TEX15: variants seen among roughly 807,000 people sequenced by gnomAD.
TEX15 encodes testis expressed 15, meiosis and synapsis associated.
A neutral mutation model predicts 237.3 loss-of-function variants in TEX15; 171 were observed. The ratio of observed to expected loss-of-function variants is 0.72; its 90% CI spans 0.64 to 0.82. TEX15 has a LOEUF of 0.82. Among genes scored for constraint, TEX15 ranks in the 40% least tolerant of loss-of-function variants. TEX15 has a pLI of 0.00. For missense variants in TEX15, 3,750 were observed against 3,646.5 expected (o/e 1.03, Z -0.73); for synonymous variants, 1,338 against 1,269.8 (o/e 1.05, Z -1.14).
intron 3 of TEX15, among the ~76,000 whole-genome samples, chr8:30,876,944 C>T (rs1173460187): frequency 6.6e-6 from 1 of 152,034 alleles, no homozygotes; most frequent in African/African-American, 2.4e-5. Context: ...GGGGCCTTTC[C>T]CTCCTTGCTG....
At chr8:30,903,268 A>C (rs950603921) in intron 1 of TEX15, among the ~76,000 whole-genome samples, 1 of 152,228 alleles carries the variant, frequency 6.6e-6, no homozygotes. Flanking sequence ...CAGACTTAAA[A>C]ATAATTTACA....
rs1019702279 is a variant in TEX15 at position 30,832,671 on chromosome 8, C to A, written c.*615G>T. On this transcript the variant is annotated 3_prime_UTR_variant, in exon 11 of 11. Coordinates refer to ENST00000643185, the MANE Select transcript of TEX15 (RefSeq NM_001350162.2). ...TTGTGAAATCCAAAAACAAAATAAT[C>A]TTCTGGAAATGGCTCTTGTAGAAAA... is the stretch of plus-strand genomic sequence containing the variant. 1 of 152,114 alleles carries A rather than the reference C, an allele frequency of 6.6e-6. No homozygotes were observed. Among genetic ancestry groups the A allele is most frequent in the Admixed American group, 6.6e-5 (1 of 15,260 alleles). The allele number at this position is 152,114 out of a possible 1,614,324, so 9.4% of individuals were successfully genotyped here.
intron 3 of TEX15, among the ~76,000 whole-genome samples, chr8:30,880,726 G>A (rs1460667805): frequency 7.1e-6 from 1 of 141,242 alleles, no homozygotes; most frequent in Non-Finnish European, 1.5e-5. Flanking sequence ...TCAACAGTAG[G>A]CTATTTGTGT....
Position 30,847,678 on chromosome 8 carries a change from AC to A in TEX15, c.2488del (p.Val830LeufsTer16). On this transcript the variant is annotated frameshift_variant, in exon 8 of 11. Transcript: ENST00000643185. LOFTEE classifies it high-confidence loss of function. The stretch of plus-strand genomic sequence containing the variant: ...ATTGTGATCCTGACCCCTATCTTCA[AC>A]ATAAGCAGTTTCTTTATAGTCTCTC... The part of the protein sequence containing the change: ...IQRDYKETAY[V>X]EDRGQDHNLF... 6.2e-7 allele frequency: 1 copy of A among 1,613,872 alleles called. No individual in the cohort carries two copies. The highest frequency in any genetic ancestry group is 2.2e-5 in the East Asian group (1 of 44,838).
chr8:30,837,896 T>A lies in TEX15; in HGVS notation c.8388A>T (p.Glu2796Asp). 6.2e-7 allele frequency: 1 copy of A among 1,614,218 alleles called. No homozygotes were observed. Among genetic ancestry groups the A allele is most frequent in the Non-Finnish European group, 8.5e-7 (1 of 1,180,034 alleles). Residue 2796 changes from glutamate to aspartate, a missense_variant, in exon 10 of 11, where the codon GAA (glutamate) becomes GAT (aspartate). Transcript: ENST00000643185. ...ATGAAACAGTTAAGTCTATTTTGCT[T>A]TCCGACTTTGATGCGCAAGTGTCTT... ...NPKDTCASKS[E>D]SKIDLTVSSD...
intron 7 of TEX15, among the ~76,000 whole-genome samples, chr8:30,853,249 G>C (rs543621712): frequency 1.3e-5 from 2 of 152,080 alleles, no homozygotes; most frequent in Non-Finnish European, 2.9e-5. Context: ...AAATCGTCAA[G>C]GAAAGAGAAC....
chr8:30,899,736 C>A (rs1808973170), intron 1 of TEX15, among the ~76,000 whole-genome samples: 1 of 152,146 alleles, frequency 6.6e-6, no homozygotes, highest in Admixed American at 6.5e-5. Context: ...TGGCACCTGG[C>A]CCCAACTCCG....
At chr8:30,878,221 A>G (rs1012450345) in intron 3 of TEX15, among the ~76,000 whole-genome samples, 1 of 150,962 alleles carries the variant, frequency 6.6e-6, no homozygotes, top group Non-Finnish European at 1.5e-5. Flanking sequence ...TTGTTTAACC[A>G]TTTACTCATT....
chr8:30,889,955 A>ATATATATATATATACG (rs1563273241), intron 2 of TEX15, among the ~76,000 whole-genome samples: 1 of 108,690 alleles, frequency 9.2e-6, no homozygotes, highest in African/African-American at 4.8e-5. Flanking sequence ...ATATATATAC[A>ATATATATATATATACG]TATATATATA....
chr8:30,845,130 G>T lies in TEX15; in HGVS notation c.5037C>A (p.Asn1679Lys), dbSNP rs1807567820. 6.2e-7 allele frequency: 1 copy of T among 1,613,206 alleles called. No individual in the cohort carries two copies. Among genetic ancestry groups the T allele is most frequent in the African/African-American group, 1.3e-5 (1 of 74,854 alleles). The change falls in exon 8 of 11, where the codon AAC (asparagine) becomes AAA (lysine). Residue 1679 changes from asparagine to lysine, a missense_variant. Coordinates refer to ENST00000643185, the MANE Select transcript of TEX15 (RefSeq NM_001350162.2). ...GNLILSDCKRNLEVKWTDPIE... is the reference protein window; with the variant it reads ...GNLILSDCKRKLEVKWTDPIE... ...TAGGATCTGTCCACTTTACTTCCAGGTTTCTTTTACAATCAGATAAAATAA... is the reference window on the plus strand; with the variant it reads ...TAGGATCTGTCCACTTTACTTCCAGTTTTCTTTTACAATCAGATAAAATAA...
Position 30,846,841 on chromosome 8 carries a change from T to A in TEX15, c.3326A>T (p.Asp1109Val). ...RISWEGLLAL[D>V]NGEMEVLEST... is the part of the protein sequence containing the mutation. The stretch of plus-strand genomic sequence containing the variant: ...TTCCAAAACTTCCATCTCCCCGTTA[T>A]CAAGTGCTAACAGACCTTCCCAACT... The change falls in exon 8 of 11, where the codon GAT (aspartate) becomes GTT (valine). Residue 1109 changes from aspartate (D) to valine (V), a missense_variant. Physicochemically the swap from Asp to Val is radical, Grantham distance 152. Coordinates refer to ENST00000643185, the MANE Select transcript of TEX15 (RefSeq NM_001350162.2). The A allele has an allele frequency of 6.2e-7, 1 of 1,613,952 alleles. No homozygotes were observed. Among genetic ancestry groups the A allele is most frequent in the South Asian group, 1.1e-5 (1 of 91,074 alleles).
rs747720424 is a variant in TEX15, at chr8:30,846,342, G to A, written c.3825C>T (p.Ser1275=). 5 of 1,612,808 alleles carry A rather than the reference G, an allele frequency of 3.1e-6. No individual in the cohort carries two copies. In the African/African-American group the frequency reaches 6.7e-5, roughly 22 times the overall value. Residue 1275 remains serine, a synonymous_variant, in exon 8 of 11, where the codon AGC becomes AGT. Transcript: ENST00000643185. ...TTTTTGATTTTGTAAAGAAACATCT[G>A]CTTCCATCATCTATTGTTGTGACAT... The part of the protein sequence containing the change: ...PSNVTTIDDG[S]RCFFTKSKTD...
chr8:30,896,893 TC>T (rs1808916529), intron 2 of TEX15, among the ~76,000 whole-genome samples: 1 of 152,160 alleles, frequency 6.6e-6, no homozygotes, highest in African/African-American at 2.4e-5. Flanking sequence ...AGCAATTTTT[TC>T]CCCCAATGCA....
chr8:30,837,083 A>T lies in TEX15; in HGVS notation c.9201T>A (p.Tyr3067Ter). The T allele has an allele frequency of 6.2e-7, 1 of 1,614,172 alleles. No homozygotes were observed. The highest frequency in any genetic ancestry group is 8.5e-7 in the Non-Finnish European group (1 of 1,180,040). Residue 3067 changes from tyrosine (Y) to a stop codon, truncating the protein, a stop_gained, in exon 10 of 11, where the codon TAT (tyrosine) becomes TAA (stop). Coordinates refer to ENST00000643185, the MANE Select transcript of TEX15 (RefSeq NM_001350162.2). LOFTEE classifies it high-confidence loss of function. ...GCCCAGAAGGAGATGGCTGTACTTC[A>T]TATGATGTTATCCCTTGGTATGTCT... ...ITQTYQGITS[Y>*]EVQPSPSGLL... is the part of the protein sequence containing the mutation.
chr8:30,859,973 G>T lies in TEX15; in HGVS notation c.625C>A (p.His209Asn). ...AAAGAAGGTGCATTTCTTGACATAT[G>T]GCAATCAAAGTTAGGAGAAGGATCC... ...SLDPSPNFDC[H>N]MSRNAPSLKD... The change falls in exon 6 of 11, where the codon CAT becomes AAT. Residue 209 changes from histidine (H) to asparagine (N), a missense_variant. Transcript: ENST00000643185. The T allele has an allele frequency of 6.6e-7, 1 of 1,519,528 alleles. No homozygotes were observed. Among genetic ancestry groups the T allele is most frequent in the Non-Finnish European group, 8.8e-7 (1 of 1,140,824 alleles). 94.1% of individuals were successfully genotyped at this position (1,519,528 alleles called of 1,614,324 possible).
rs757417739 is a variant in TEX15, at chr8:30,844,317, T to C, written c.5850A>G (p.Pro1950=). Residue 1950 remains proline, a synonymous_variant, in exon 8 of 11, where the codon CCA becomes CCG. Transcript: ENST00000643185. ...GCGTATGATTAACTCCTAGAATTCC[T>C]GGTTTGGAAATATAGGCTATTTCTG... The part of the protein sequence containing the change: ...LHSEIAYISK[P]GILGVNHTPI... The C allele has an allele frequency of 6.2e-7, 1 of 1,613,332 alleles. No individual in the cohort carries two copies. Among genetic ancestry groups the C allele is most frequent in the South Asian group, 1.1e-5 (1 of 90,978 alleles).
intron 5 of TEX15, among the ~76,000 whole-genome samples, chr8:30,866,637 ACATAATATATGATACTTT>A (rs1808173161): frequency 6.6e-6 from 1 of 152,050 alleles, no homozygotes; most frequent in Non-Finnish European, 1.5e-5. Context: ...TATTCCAGAG[ACATAATATATGATACTTT>A]CATAATACAC....
intron 4 of TEX15, among the ~76,000 whole-genome samples, chr8:30,868,093 A>G (rs1808212834): frequency 6.6e-6 from 1 of 152,062 alleles, no homozygotes; most frequent in African/African-American, 2.4e-5. Flanking sequence ...ATCAATTATT[A>G]GGGACATTCT....
chr8:30,877,669 A>T (rs1156339528), intron 3 of TEX15, among the ~76,000 whole-genome samples: 1 of 152,166 alleles, frequency 6.6e-6, no homozygotes, highest in Non-Finnish European at 1.5e-5. Context: ...AAATGAATCT[A>T]GATTCACAGG....
Sources: allele counts gnomAD v4.1 joint callset (sites outside exome capture counted in the v4.1 genomes callset), GRCh38; gene constraint gnomAD v4.1.1; transcripts MANE v1.5; gene names NCBI Gene and HGNC (gene_info 2026-07-23, HGNC 2026-07-21).